Variants in NELL2 observed in about 807,000 individuals in gnomAD.
The protein encoded by NELL2 is neural EGFL like 2.
A neutral mutation model predicts 109.6 loss-of-function variants in NELL2; 41 were observed. That is an observed-to-expected ratio of 0.37 (90% CI 0.29 to 0.49). The LOEUF is 0.49. Ranked by LOEUF, NELL2 falls within the 20% of genes least tolerant of loss-of-function variation. The pLI is 0.98. For missense variants in NELL2, 900 were observed against 1,008.3 expected (o/e 0.89, Z 1.45); for synonymous variants, 355 against 344.7 (o/e 1.03, Z -0.33).
intron 1 of NELL2, among the ~76,000 whole-genome samples, chr12:44,912,935 T>C (rs1487686900): frequency 6.6e-6 from 1 of 152,164 alleles, no homozygotes. Flanking sequence ...ACTTAACCTC[T>C]CTGTGCCACT....
rs180895445 is a variant in NELL2, at chr12:44,910,873, A to G, written c.38+2926T>C. Among the ~76,000 whole-genome samples, 339 of 152,136 alleles carry G rather than the reference A, an allele frequency of 2.2e-3. 1 individual carries two copies. The highest frequency in any genetic ancestry group is 3.5e-3 in the Non-Finnish European group (239 of 67,906). On this transcript the variant is annotated intron_variant, in intron 1 of 20. Coordinates refer to the NELL2 transcript ENST00000333837. ...AAAAGTGGAACACAAGGACTTAGCC[A>G]TAATCCTAATCACATTAATGCAGGA...
At chr12:44,758,037 C>T (rs1390154977) in intron 9 of NELL2, among the ~76,000 whole-genome samples, 2 of 138,342 alleles carry the variant, frequency 1.4e-5, no homozygotes, top group Middle Eastern at 3.4e-3. Context: ...TCTTTTGATA[C>T]AGGAGATTAC....
intron 2 of NELL2, among the ~76,000 whole-genome samples, chr12:44,823,800 T>A (rs1199431645): frequency 6.6e-6 from 1 of 152,228 alleles, no homozygotes; most frequent in Admixed American, 6.5e-5. Context: ...TTTTATTTGA[T>A]GAGAAACTTT....
rs929500872 is a variant in NELL2 at position 44,825,900 on chromosome 12, A to G, written c.185-9764T>C. ...TTTACCAAAAATACAAAATTAGCCC[A>G]GCGTGGTGGTGCCTGCCTGTAATCC... is the stretch of plus-strand genomic sequence containing the variant. On this transcript the variant is annotated intron_variant, in intron 2 of 19. Coordinates refer to ENST00000429094, the MANE Select transcript of NELL2 (RefSeq NM_001145108.2). 3.3e-5 allele frequency among the ~76,000 whole-genome samples: 5 copies of G among 151,688 alleles called. No individual in the cohort carries two copies. In the East Asian group the frequency reaches 7.9e-4, roughly 24 times the overall value.
intron 1 of NELL2, among the ~76,000 whole-genome samples, chr12:44,888,737 G>T (rs951176792): frequency 2.6e-5 from 4 of 151,688 alleles, no homozygotes; most frequent in Non-Finnish European, 1.5e-5. Flanking sequence ...TATAAGAGAT[G>T]ACCTATTTGG....
chr12:44,857,959 T>C (rs1025669966), intron 2 of NELL2, among the ~76,000 whole-genome samples: 2 of 152,158 alleles, frequency 1.3e-5, no homozygotes, highest in African/African-American at 2.4e-5. Context: ...CTTTAGCACA[T>C]GAAAGTCATC....
chr12:44,844,901 A>T (rs754434415), intron 2 of NELL2, among the ~76,000 whole-genome samples: 4 of 152,114 alleles, frequency 2.6e-5, no homozygotes, highest in Non-Finnish European at 4.4e-5. Flanking sequence ...AAGGAATCTA[A>T]TTTTTTAAAA....
At chr12:44,858,031 G>A (rs1944732826) in intron 2 of NELL2, among the ~76,000 whole-genome samples, 1 of 152,086 alleles carries the variant, frequency 6.6e-6, no homozygotes, top group South Asian at 2.1e-4. Context: ...AAGTCCAAGG[G>A]AGCATGATCC....
At chr12:44,808,596 T>C (rs948620426) in intron 3 of NELL2, among the ~76,000 whole-genome samples, 2 of 152,020 alleles carry the variant, frequency 1.3e-5, no homozygotes, top group African/African-American at 4.8e-5. Flanking sequence ...TAAAGTTATT[T>C]ATTAAATAAA....
At chr12:44,548,170 G>T (rs1300682141) in intron 15 of NELL2, among the ~76,000 whole-genome samples, 1 of 152,190 alleles carries the variant, frequency 6.6e-6, no homozygotes, top group East Asian at 1.9e-4. Flanking sequence ...GGACTGGGAT[G>T]CACGAGTGGG....
chr12:44,707,389 G>A (rs1349624259), intron 11 of NELL2, among the ~76,000 whole-genome samples: 5 of 152,046 alleles, frequency 3.3e-5, no homozygotes, highest in East Asian at 1.9e-4. Flanking sequence ...AGAACACATC[G>A]AGCCTCAAAA....
intron 15 of NELL2, among the ~76,000 whole-genome samples, chr12:44,563,439 T>C (rs563984510): frequency 6.6e-6 from 1 of 152,288 alleles, no homozygotes; most frequent in East Asian, 1.9e-4. Context: ...AGCTCTGCTT[T>C]AAAAGTGATA....
At chr12:44,746,762 C>T (rs1940385014) in intron 9 of NELL2, among the ~76,000 whole-genome samples, 1 of 152,282 alleles carries the variant, frequency 6.6e-6, no homozygotes, top group South Asian at 2.1e-4. Flanking sequence ...CCATCTCATA[C>T]CAGTTAGAAT....
chr12:44,524,290 A>C (rs546088188), intron 16 of NELL2, among the ~76,000 whole-genome samples: 2 of 152,322 alleles, frequency 1.3e-5, no homozygotes, highest in South Asian at 4.1e-4. Context: ...GATCAGGTCC[A>C]TAAGAGGAGA....
chr12:44,513,765 T>C (rs1291827446), intron 19 of NELL2, among the ~76,000 whole-genome samples: 1 of 151,852 alleles, frequency 6.6e-6, no homozygotes, highest in East Asian at 1.9e-4. Context: ...AATAGAACTT[T>C]AGTGACCTTT....
chr12:44,864,420 T>C (rs1306803659), intron 2 of NELL2, among the ~76,000 whole-genome samples: 2 of 152,138 alleles, frequency 1.3e-5, no homozygotes, highest in Non-Finnish European at 2.9e-5. Flanking sequence ...ACAGGATAGC[T>C]ATACTTACAT....
chr12:44,749,685 C>T (rs1215326127), intron 9 of NELL2, among the ~76,000 whole-genome samples: 1 of 152,076 alleles, frequency 6.6e-6, no homozygotes, highest in East Asian at 1.9e-4. Flanking sequence ...GTGAAGTCCC[C>T]CTCGGAGGAG....
intron 2 of NELL2, among the ~76,000 whole-genome samples, chr12:44,825,990 C>A (rs941771077): frequency 2.6e-5 from 4 of 151,372 alleles, no homozygotes; most frequent in African/African-American, 9.7e-5. Flanking sequence ...TGCAGTGAGC[C>A]GAGATCGCGC....
chr12:44,680,649 A>T (rs1380574401), intron 12 of NELL2, among the ~76,000 whole-genome samples: 3 of 151,990 alleles, frequency 2.0e-5, no homozygotes, highest in Non-Finnish European at 4.4e-5. Context: ...GCCAGCACCA[A>T]TTTCCTAACT....
Sources: allele counts gnomAD v4.1 joint callset (sites outside exome capture counted in the v4.1 genomes callset), GRCh38; gene constraint gnomAD v4.1.1; transcripts MANE v1.5; gene names NCBI Gene and HGNC (gene_info 2026-07-23, HGNC 2026-07-21).